The following LPP variants were observed in gnomAD, a reference collection of about 807,000 sequenced individuals.
LPP encodes lipoma-preferred partner.
In LPP, 38 loss-of-function variants were observed where a neutral mutation model predicts 60.4. The ratio of observed to expected loss-of-function variants is 0.63; its 90% CI spans 0.49 to 0.83. LPP has a LOEUF of 0.83. LPP is among the 40% of genes least tolerant of loss of function. LPP has a pLI of 0.00. For synonymous variants in LPP, 328 were observed against 290.8 expected, an observed-to-expected ratio of 1.13 and a Z score of -1.30; for missense variants, 902 against 783.6, an observed-to-expected ratio of 1.15 and a Z score of -1.80.
chr3:188,730,147 C>T (rs1719915861), intron 8 of LPP, among the ~76,000 whole-genome samples: 1 of 152,162 alleles, frequency 6.6e-6, no homozygotes, highest in Admixed American at 6.5e-5. Context: ...TGCGTATGTG[C>T]ATATGTGCAT....
At chr3:188,331,018 T>TC (rs1759906064) in intron 2 of LPP, among the ~76,000 whole-genome samples, 1 of 152,320 alleles carries the variant, frequency 6.6e-6, no homozygotes, top group African/African-American at 2.4e-5. Flanking sequence ...CTGAGACTTC[T>TC]ACATTTGTTT....
intron 2 of LPP, among the ~76,000 whole-genome samples, chr3:188,296,156 T>C (rs1487325674): frequency 6.6e-6 from 1 of 152,180 alleles, no homozygotes; most frequent in African/African-American, 2.4e-5. Flanking sequence ...TCCCACTAAA[T>C]GTTTAACTTG....
intron 6 of LPP, among the ~76,000 whole-genome samples, chr3:188,546,154 A>G (rs1826600391): frequency 6.6e-6 from 1 of 152,202 alleles, no homozygotes; most frequent in South Asian, 2.1e-4. Context: ...AAACCAAGTT[A>G]TAAAGATGGT....
At chr3:188,422,957 G>T (rs949081387) in intron 4 of LPP, among the ~76,000 whole-genome samples, 2 of 145,504 alleles carry the variant, frequency 1.4e-5, no homozygotes, top group Non-Finnish European at 3.0e-5. Context: ...GTGTGTGTGT[G>T]TTTTAATTGT....
intron 2 of LPP, among the ~76,000 whole-genome samples, chr3:188,245,465 G>A (rs1726584064): frequency 6.6e-6 from 1 of 152,128 alleles, no homozygotes; most frequent in Non-Finnish European, 1.5e-5. Context: ...TCCTGGCCCA[G>A]AGCCATTAGC....
intron 9 of LPP, among the ~76,000 whole-genome samples, chr3:188,849,048 G>A (rs1762152399): frequency 6.6e-6 from 1 of 152,232 alleles, no homozygotes; most frequent in East Asian, 1.9e-4. Flanking sequence ...ATTAAACAAT[G>A]CTTGCTTCTC....
intron 2 of LPP, among the ~76,000 whole-genome samples, chr3:188,317,987 G>A (rs914322937): frequency 2.0e-5 from 3 of 152,176 alleles, no homozygotes; most frequent in Admixed American, 6.5e-5. Context: ...TGTATCTGGA[G>A]TGTGGGAGGA....
intron 1 of LPP, among the ~76,000 whole-genome samples, chr3:188,223,030 T>C (rs999152937): frequency 1.3e-5 from 2 of 152,230 alleles, no homozygotes; most frequent in Non-Finnish European, 1.5e-5. Context: ...TTTGGAATAA[T>C]GTGTCTCATC....
At chr3:188,620,113 TATA>T (rs1312570075) in intron 7 of LPP, among the ~76,000 whole-genome samples, 3 of 152,222 alleles carry the variant, frequency 2.0e-5, no homozygotes, top group African/African-American at 4.8e-5. Context: ...AGTATTTTTA[TATA>T]ATAACATTTT....
At chr3:188,824,740 T>G (rs888128933) in intron 9 of LPP, among the ~76,000 whole-genome samples, 5 of 152,202 alleles carry the variant, frequency 3.3e-5, no homozygotes, top group African/African-American at 1.2e-4. Flanking sequence ...GACTTGCTTA[T>G]TCTGAGTGCC....
At chr3:188,762,828 G>A (rs1384293986) in intron 9 of LPP, among the ~76,000 whole-genome samples, 1 of 151,244 alleles carries the variant, frequency 6.6e-6, no homozygotes, top group Non-Finnish European at 1.5e-5. Context: ...TCTTTAATGA[G>A]ATCTATTCGT....
intron 7 of LPP, among the ~76,000 whole-genome samples, chr3:188,650,989 G>A (rs1025960722): frequency 2.6e-5 from 4 of 152,010 alleles, no homozygotes; most frequent in African/African-American, 7.3e-5. Flanking sequence ...CTATAAAAAC[G>A]AATTAATCCT....
intron 9 of LPP, among the ~76,000 whole-genome samples, chr3:188,776,926 C>T (rs1737987947): frequency 6.6e-6 from 1 of 151,976 alleles, no homozygotes; most frequent in African/African-American, 2.4e-5. Flanking sequence ...ATTTATGGTA[C>T]ATTCACATGG....
rs1577998401 is a variant in LPP at position 188,307,836 on chromosome 3, ACATTGTTAG to A, written c.-66-33826_-66-33818del. On this transcript the variant is annotated intron_variant, in intron 2 of 11. Coordinates refer to ENST00000617246, the MANE Select transcript of LPP (RefSeq NM_001375462.1). ...GGGAATACAGCTGATTATCTCTTAG[ACATTGTTAG>A]GATAAATTGTTTCTATACGTATTGA... 3.9e-5 allele frequency among the ~76,000 whole-genome samples: 6 copies of A among 152,314 alleles called. No individual in the cohort carries two copies. The East Asian group carries it at 1.2e-3, about 29-fold the overall frequency.
At chr3:188,673,217 A>G (rs185729933) in intron 7 of LPP, among the ~76,000 whole-genome samples, 110 of 152,218 alleles carry the variant, frequency 7.2e-4, no homozygotes, top group South Asian at 5.4e-3. Flanking sequence ...TTCATAATAG[A>G]GAAGTACCGT....
intron 8 of LPP, chr3:188,708,658 T>C (rs1166442899): frequency 1.8e-6 from 1 of 555,296 alleles, no homozygotes; most frequent in African/African-American, 1.9e-5. Flanking sequence ...ACTTATTTTT[T>C]ACCAGTCTAG....
chr3:188,399,454 G>T (rs1781725995), intron 3 of LPP, among the ~76,000 whole-genome samples: 1 of 152,114 alleles, frequency 6.6e-6, no homozygotes. Context: ...GGACATGAAT[G>T]CTAAACGTTA....
chr3:188,643,970 A>G (rs1447779676), intron 7 of LPP, among the ~76,000 whole-genome samples: 2 of 152,218 alleles, frequency 1.3e-5, no homozygotes, highest in Non-Finnish European at 2.9e-5. Flanking sequence ...TTTCATGAAC[A>G]AAGATCAGTA....
intron 1 of LPP, among the ~76,000 whole-genome samples, chr3:188,218,611 TC>T (rs2149266266): frequency 6.6e-6 from 1 of 152,286 alleles, no homozygotes; most frequent in Admixed American, 6.5e-5. Context: ...CATTCAAGTT[TC>T]TTCTAAAATT....
Sources: gnomAD v4.1 joint callset for allele counts (sites outside exome capture counted in the v4.1 genomes callset) on GRCh38, gnomAD v4.1.1 for gene constraint, MANE v1.5 for transcripts, NCBI Gene and HGNC (gene_info 2026-07-23, HGNC 2026-07-21) for gene names.